CREBBP: variants seen among roughly 807,000 people sequenced by gnomAD.
CREBBP encodes CREB-binding protein.
Under a neutral mutation model 265.0 loss-of-function variants are expected in CREBBP, and 19 were observed. The observed-to-expected ratio is 0.07, with a 90% CI of 0.05 to 0.11. The LOEUF (loss-of-function observed/expected upper bound fraction) is 0.11, where lower values mean the gene tolerates loss of function less well. Ranked by LOEUF, CREBBP falls within the 10% of genes least tolerant of loss-of-function variation. CREBBP has a pLI of 1.00. For synonymous variants in CREBBP, 1,457 were observed against 1,223.7 expected, an observed-to-expected ratio of 1.19 and a Z score of -3.98; for missense variants, 2,525 against 3,219.0, an observed-to-expected ratio of 0.78 and a Z score of 5.22.
intron 2 of CREBBP, chr16:3,840,855 C>G (rs2054552769): frequency 6.4e-6 from 1 of 155,892 alleles, no homozygotes; most frequent in African/African-American, 2.4e-5. Flanking sequence ...AGTTCCTAGA[C>G]TTGAACGAGA....
rs1443085923 is a variant in CREBBP, at chr16:3,726,163, G to T, written c.*1555C>A. Reference sequence around the variant, plus strand: ...ACACGGGACATGCTGCGCGGCAGCGGCAGGATTTGGGGGGAAGTCAGAAAG... The same window carrying T: ...ACACGGGACATGCTGCGCGGCAGCGTCAGGATTTGGGGGGAAGTCAGAAAG... On this transcript the variant is annotated 3_prime_UTR_variant, in exon 31 of 31. Coordinates refer to ENST00000262367, the MANE Select transcript of CREBBP (RefSeq NM_004380.3). 1 of 230,736 alleles carries T rather than the reference G, an allele frequency of 4.3e-6. No individual in the cohort carries two copies. Among genetic ancestry groups the T allele is most frequent in the African/African-American group, 2.2e-5 (1 of 45,120 alleles). 14.3% of individuals were successfully genotyped at this position (230,736 alleles called of 1,614,324 possible).
At position 3,733,999 on chromosome 16, in the gene CREBBP, T is replaced by C. The variant is rs562061332; in HGVS notation, c.4728+2037A>G. ...ATATGTTCATGAAATTAAGAAAATA[T>C]AGACAAGTAATTTTAAAAAGTTTTG... is the stretch of plus-strand genomic sequence containing the variant. On this transcript the variant is annotated intron_variant, in intron 28 of 30. Coordinates refer to ENST00000262367, the MANE Select transcript of CREBBP (RefSeq NM_004380.3). 2.7e-3 allele frequency among the ~76,000 whole-genome samples: 418 copies of C among 152,300 alleles called. 1 individual carries two copies. The highest frequency in any genetic ancestry group is 5.3e-3 in the Admixed American group (81 of 15,298).
At chr16:3,856,917 A>T (rs1031235909) in intron 1 of CREBBP, among the ~76,000 whole-genome samples, 1 of 152,196 alleles carries the variant, frequency 6.6e-6, no homozygotes, top group African/African-American at 2.4e-5. Context: ...AAACTCAGAG[A>T]GTACTTAGTG....
At chr16:3,877,566 C>T (rs906785101) in intron 1 of CREBBP, among the ~76,000 whole-genome samples, 1 of 152,218 alleles carries the variant, frequency 6.6e-6, no homozygotes, top group Non-Finnish European at 1.5e-5. Flanking sequence ...CCATGCCTGG[C>T]TATGTTTTTG....
Position 3,850,614 on chromosome 16 carries a change from G to A in CREBBP, c.481C>T (p.Leu161=). The A allele has an allele frequency of 6.2e-7, 1 of 1,614,240 alleles. No individual in the cohort carries two copies. Among genetic ancestry groups the A allele is most frequent in the South Asian group, 1.1e-5 (1 of 91,088 alleles). The change falls in exon 2 of 31, where the codon CTG becomes TTG. Residue 161 remains leucine, a synonymous_variant. Coordinates refer to ENST00000262367, the MANE Select transcript of CREBBP (RefSeq NM_004380.3). The part of the protein sequence containing the change: ...LNPQAQKQVG[L]ATSSPATSQT... Reference sequence around the variant, plus strand: ...GACGTGGCAGGGCTGCTAGTCGCCAGCCCCACTTGCTTTTGTGCTTGCGGA... The same window carrying A: ...GACGTGGCAGGGCTGCTAGTCGCCAACCCCACTTGCTTTTGTGCTTGCGGA...
chr16:3,845,331 C>T (rs776367967), intron 2 of CREBBP, among the ~76,000 whole-genome samples: 6 of 152,164 alleles, frequency 3.9e-5, no homozygotes, highest in Non-Finnish European at 8.8e-5. Context: ...TAAAAGTCAT[C>T]ACACAGCTAG....
chr16:3,846,490 A>C (rs2054670231), intron 2 of CREBBP, among the ~76,000 whole-genome samples: 1 of 152,244 alleles, frequency 6.6e-6, no homozygotes, highest in African/African-American at 2.4e-5. Flanking sequence ...TCAGCTGTAC[A>C]AAGATATATG....
intron 5 of CREBBP, 54 bp downstream of exon 5, chr16:3,791,927 T>C: frequency 6.8e-7 from 1 of 1,463,800 alleles, no homozygotes; most frequent in Non-Finnish European, 9.6e-7. Context: ...GAATTTTCTT[T>C]AGAAACAACT....
intron 2 of CREBBP, among the ~76,000 whole-genome samples, chr16:3,845,425 T>C (rs974825792): frequency 3.3e-5 from 5 of 152,158 alleles, no homozygotes; most frequent in Non-Finnish European, 5.9e-5. Flanking sequence ...AAATCCTATA[T>C]GTTTGAAAAG....
intron 10 of CREBBP, 77 bp downstream of exon 10, chr16:3,777,934 C>T (rs1406972065): frequency 6.6e-7 from 1 of 1,525,308 alleles, no homozygotes; most frequent in Admixed American, 1.7e-5. Context: ...ATTCTCTGTT[C>T]TTAGAAATAC....
Position 3,767,828 on chromosome 16 carries a change from C to G in CREBBP, c.3142G>C (p.Val1048Leu), listed in dbSNP as rs1210983463. Reference sequence around the variant, plus strand: ...TTCACTTCAGGTTTCTTTTCATCCACTTCCATTGGTTCTGATTTCTGCTCT... The same window carrying G: ...TTCACTTCAGGTTTCTTTTCATCCAGTTCCATTGGTTCTGATTTCTGCTCT... ...IAEQKSEPMEVDEKKPEVKVE... is the reference protein window; with the variant it reads ...IAEQKSEPMELDEKKPEVKVE... The change falls in exon 16 of 31, where the codon GTG becomes CTG. Residue 1048 changes from valine to leucine, a missense_variant. Val to Leu is a conservative substitution (Grantham distance 32). Around this residue, in one of 19 missense-constraint regions of CREBBP, gnomAD observed 548 missense variants for 533.0 expected, o/e 1.03. Coordinates refer to ENST00000262367, the MANE Select transcript of CREBBP (RefSeq NM_004380.3). 2.2e-5 allele frequency: 36 copies of G among 1,614,086 alleles called. No homozygotes were observed. Among genetic ancestry groups the G allele is most frequent in the African/African-American group, 4.0e-5 (3 of 74,940 alleles).
In CREBBP at chr16:3,731,771, C is replaced by A. The variant is rs888437498; in HGVS notation, c.4890+5G>T. ...CACGGCTGCAGCACCGCAGCCCACGCCTACCTCCTTGTGCTTCTCCATGGT... is the reference window on the plus strand; with the variant it reads ...CACGGCTGCAGCACCGCAGCCCACGACTACCTCCTTGTGCTTCTCCATGGT... On this transcript the variant is annotated splice_donor_5th_base_variant and intron_variant, in intron 29 of 30. Transcript: ENST00000262367. The surrounding 1 kb of genome is among the most constrained non-coding windows in gnomAD (Gnocchi z 7.7). 1.2e-6 allele frequency: 2 copies of A among 1,614,128 alleles called. No homozygotes were observed. Among genetic ancestry groups the A allele is most frequent in the South Asian group, 1.1e-5 (1 of 91,088 alleles).
At chr16:3,878,023 G>T (rs2055439516) in intron 1 of CREBBP, among the ~76,000 whole-genome samples, 1 of 152,160 alleles carries the variant, frequency 6.6e-6, no homozygotes, top group African/African-American at 2.4e-5. Context: ...TAACCTTTGG[G>T]CTCCATCTTG....
At chr16:3,852,251 G>A (rs2054868070) in intron 1 of CREBBP, among the ~76,000 whole-genome samples, 1 of 140,778 alleles carries the variant, frequency 7.1e-6, no homozygotes, top group Non-Finnish European at 1.5e-5. Flanking sequence ...TCACTGCAAG[G>A]TCCGCCTCCC....
intron 5 of CREBBP, among the ~76,000 whole-genome samples, chr16:3,785,957 T>A (rs1361311192): frequency 6.6e-6 from 1 of 152,210 alleles, no homozygotes; most frequent in African/African-American, 2.4e-5. Context: ...CTGATGTTGC[T>A]GAAGAAGGAG....
intron 3 of CREBBP, among the ~76,000 whole-genome samples, chr16:3,806,650 C>A (rs543006149): frequency 6.6e-6 from 1 of 152,140 alleles, no homozygotes; most frequent in Non-Finnish European, 1.5e-5. Flanking sequence ...CACCAAGAAT[C>A]AGGTGGGTTC....
At chr16:3,811,025 C>T (rs1310678935) in intron 2 of CREBBP, among the ~76,000 whole-genome samples, 1 of 152,062 alleles carries the variant, frequency 6.6e-6, no homozygotes, top group Non-Finnish European at 1.5e-5. Context: ...CCACTCTCCT[C>T]ACTCAATCCC....
Position 3,769,785 on chromosome 16 carries a change from G to A in CREBBP, c.2881-432C>T, listed in dbSNP as rs74907414. Among the ~76,000 whole-genome samples the A allele has an allele frequency of 1.6e-4, 24 of 152,270 alleles. No homozygotes were observed. The East Asian group carries it at 3.9e-3, about 24-fold the overall frequency. On this transcript the variant is annotated intron_variant, in intron 14 of 30. Coordinates refer to ENST00000262367, the MANE Select transcript of CREBBP (RefSeq NM_004380.3). Reference sequence around the variant, plus strand: ...ACAGTGTTACCCAGCCTGTGTGAACGGTAGGAACACGGGTGCTGGTGGAGT... The same window carrying A: ...ACAGTGTTACCCAGCCTGTGTGAACAGTAGGAACACGGGTGCTGGTGGAGT...
chr16:3,798,127 C>T (rs559916763), intron 3 of CREBBP, among the ~76,000 whole-genome samples: 1 of 152,216 alleles, frequency 6.6e-6, no homozygotes, highest in African/African-American at 2.4e-5. Context: ...ACTGGACAGC[C>T]CAGGCAGAAG....
Sources: allele counts gnomAD v4.1 joint callset (sites outside exome capture counted in the v4.1 genomes callset), GRCh38; gene constraint gnomAD v4.1.1; regional missense constraint gnomAD v4.1.1; non-coding constraint Gnocchi (gnomAD v3.1); transcripts MANE v1.5; gene names NCBI Gene and HGNC (gene_info 2026-07-23, HGNC 2026-07-21).